Variants in SLIT2 observed in about 807,000 individuals in gnomAD.
SLIT2 encodes slit guidance ligand 2.
Under a neutral mutation model 185.7 loss-of-function variants are expected in SLIT2, and 41 were observed. That is an observed-to-expected ratio of 0.22 (90% CI 0.17 to 0.29). SLIT2 has a LOEUF of 0.29. Among genes scored for constraint, SLIT2 ranks in the 10% least tolerant of loss-of-function variants. SLIT2 has a pLI of 1.00. For synonymous variants in SLIT2, 693 were observed against 680.2 expected, an observed-to-expected ratio of 1.02 and a Z score of -0.29; for missense variants, 1,571 against 1,909.0, an observed-to-expected ratio of 0.82 and a Z score of 3.30.
intron 1 of SLIT2, among the ~76,000 whole-genome samples, chr4:20,255,248 G>T (rs2109003948): frequency 6.6e-6 from 1 of 152,326 alleles, no homozygotes; most frequent in African/African-American, 2.4e-5. Context: ...CACCCGCGCA[G>T]CCCATTGCAC....
At chr4:20,472,267 G>GATATATATAT (rs1325464832) in intron 5 of SLIT2, among the ~76,000 whole-genome samples, 1 of 30,114 alleles carries the variant, frequency 3.3e-5, no homozygotes, top group Non-Finnish European at 5.4e-5. Flanking sequence ...TCTATATATA[G>GATATATATAT]ATATATATCT....
intron 4 of SLIT2, among the ~76,000 whole-genome samples, chr4:20,343,859 A>G (rs1256211421): frequency 6.7e-6 from 1 of 149,892 alleles, no homozygotes; most frequent in Non-Finnish European, 1.5e-5. Flanking sequence ...TATTATTAGT[A>G]TTATTTTTTT....
At chr4:20,407,093 A>G (rs1011610505) in intron 4 of SLIT2, among the ~76,000 whole-genome samples, 1 of 152,216 alleles carries the variant, frequency 6.6e-6, no homozygotes, top group East Asian at 1.9e-4. Context: ...AAGTTCAAAA[A>G]TGGCAGAACT....
intron 34 of SLIT2, among the ~76,000 whole-genome samples, chr4:20,613,777 C>G (rs1287457700): frequency 6.6e-6 from 1 of 152,216 alleles, no homozygotes; most frequent in African/African-American, 2.4e-5. Context: ...GCCTCAGCAT[C>G]TGGGGAGAGG....
intron 4 of SLIT2, among the ~76,000 whole-genome samples, chr4:20,295,106 G>A (rs995674427): frequency 6.6e-6 from 1 of 152,174 alleles, no homozygotes; most frequent in Non-Finnish European, 1.5e-5. Context: ...TTGGGGCCAG[G>A]TATTTGGCAG....
intron 9 of SLIT2, among the ~76,000 whole-genome samples, chr4:20,498,749 C>A (rs1352513646): frequency 2.0e-5 from 3 of 152,154 alleles, no homozygotes; most frequent in Non-Finnish European, 4.4e-5. Context: ...GACATGATTT[C>A]ATTCATTTTT....
intron 22 of SLIT2, among the ~76,000 whole-genome samples, chr4:20,546,959 G>A (rs568367462): frequency 3.9e-5 from 6 of 152,158 alleles, no homozygotes; most frequent in South Asian, 2.1e-4. Flanking sequence ...TATTACTAGC[G>A]TAAGAAGCAG....
At chr4:20,524,710 C>G (rs937792589) in intron 14 of SLIT2, among the ~76,000 whole-genome samples, 1 of 152,078 alleles carries the variant, frequency 6.6e-6, no homozygotes, top group African/African-American at 2.4e-5. Flanking sequence ...TGCGTTTTTT[C>G]CAAAAGCTAT....
In SLIT2 at chr4:20,549,099, CT is replaced by C; in HGVS notation, c.2463del (p.Phe821LeufsTer4). 1 of 1,597,870 alleles carries C rather than the reference CT, an allele frequency of 6.3e-7. No individual in the cohort carries two copies. The highest frequency in any genetic ancestry group is 8.6e-7 in the Non-Finnish European group (1 of 1,165,844). On this transcript the variant is annotated frameshift_variant, in exon 24 of 37. Transcript: ENST00000504154. LOFTEE classifies it high-confidence loss of function. ...GTCTGAGATGTATTCCTCCTCGCACCTTTGATGGATTAAAGTCTCTTCGATT... is the reference window on the plus strand; with the variant it reads ...GTCTGAGATGTATTCCTCCTCGCACCTTGATGGATTAAAGTCTCTTCGATT... ...NRLRCIPPRT[F>X]DGLKSLRLLS...
intron 4 of SLIT2, among the ~76,000 whole-genome samples, chr4:20,280,109 G>A (rs970231427): frequency 3.3e-5 from 5 of 151,930 alleles, no homozygotes; most frequent in Admixed American, 6.6e-5. Context: ...GGAGGTGGGC[G>A]GATCACGAGG....
intron 4 of SLIT2, among the ~76,000 whole-genome samples, chr4:20,368,570 T>C (rs1007985842): frequency 2.0e-5 from 3 of 152,098 alleles, no homozygotes; most frequent in African/African-American, 7.2e-5. Context: ...ATTGTAGTCA[T>C]GTAAAAATTA....
intron 15 of SLIT2, among the ~76,000 whole-genome samples, chr4:20,527,337 G>C (rs1478759451): frequency 1.3e-5 from 2 of 151,916 alleles, no homozygotes; most frequent in Non-Finnish European, 2.9e-5. Flanking sequence ...CCAGGCTGGA[G>C]TGCAGTGGCA....
At chr4:20,537,294 A>G (rs1385692655) in intron 18 of SLIT2, among the ~76,000 whole-genome samples, 1 of 152,166 alleles carries the variant, frequency 6.6e-6, no homozygotes, top group Non-Finnish European at 1.5e-5. Flanking sequence ...GGGCTATGGC[A>G]TTATGATGGC....
chr4:20,485,419 A>C (rs1489627381), intron 6 of SLIT2, among the ~76,000 whole-genome samples: 1 of 152,166 alleles, frequency 6.6e-6, no homozygotes, highest in Admixed American at 6.6e-5. Flanking sequence ...CAATAATAAT[A>C]ATAATAAAAC....
At chr4:20,392,979 C>T (rs139861127) in intron 4 of SLIT2, among the ~76,000 whole-genome samples, 13 of 151,986 alleles carry the variant, frequency 8.6e-5, no homozygotes, top group African/African-American at 2.4e-4. Context: ...ATACATACAC[C>T]GTACTGTAAG....
At chr4:20,546,709 C>T (rs953220263) in intron 22 of SLIT2, among the ~76,000 whole-genome samples, 14 of 151,826 alleles carry the variant, frequency 9.2e-5, no homozygotes, top group Admixed American at 6.6e-5. Context: ...ATGTAAACAA[C>T]CTTTGACAAC....
At chr4:20,569,576 C>G (rs1306729150) in intron 29 of SLIT2, among the ~76,000 whole-genome samples, 1 of 151,948 alleles carries the variant, frequency 6.6e-6, no homozygotes, top group East Asian at 1.9e-4. Context: ...AAACTTCCTC[C>G]CTATTCAAAC....
At chr4:20,569,713 T>C (rs644607) in intron 29 of SLIT2, among the ~76,000 whole-genome samples, 141,103 of 152,046 alleles carry the variant, frequency 0.93, 65,598 homozygotes, top group East Asian at 0.99. Context: ...TTTAATAAAT[T>C]ACTTAACATT....
chr4:20,530,649 T>A (rs994310417), intron 16 of SLIT2, among the ~76,000 whole-genome samples: 1 of 152,164 alleles, frequency 6.6e-6, no homozygotes, highest in Non-Finnish European at 1.5e-5. Context: ...AATTTAGACT[T>A]CAGCAAATGT....
Sources: gnomAD v4.1 joint callset for allele counts (sites outside exome capture counted in the v4.1 genomes callset) on GRCh38, gnomAD v4.1.1 for gene constraint, MANE v1.5 for transcripts, NCBI Gene and HGNC (gene_info 2026-07-23, HGNC 2026-07-21) for gene names.